The following UBE2D3 variants were observed in gnomAD, a reference collection of about 807,000 sequenced individuals.
The protein encoded by UBE2D3 is ubiquitin conjugating enzyme E2 D3, also known as ubiquitin-conjugating enzyme E2 D3.
In UBE2D3, 2 loss-of-function variants were observed where a neutral mutation model predicts 22.8. The ratio of observed to expected loss-of-function variants is 0.09; its 90% CI spans 0.04 to 0.28. The LOEUF (loss-of-function observed/expected upper bound fraction) is 0.28. UBE2D3 is among the 10% of genes least tolerant of loss of function. The probability of loss-of-function intolerance (pLI) is 1.00; values close to 1 mark genes in which losing one functional copy is unlikely to be tolerated. For missense variants in UBE2D3, 27 were observed against 182.5 expected, an observed-to-expected ratio of 0.15 and a Z score of 4.91; for synonymous variants, 56 against 60.4, an observed-to-expected ratio of 0.93 and a Z score of 0.34.
intron 1 of UBE2D3, among the ~76,000 whole-genome samples, chr4:102,834,242 TG>T (rs1417109826): frequency 2.0e-5 from 3 of 152,252 alleles, no homozygotes; most frequent in Non-Finnish European, 4.4e-5. Context: ...CTTATACTTT[TG>T]TTCCTAAAAC....
intron 2 of UBE2D3, among the ~76,000 whole-genome samples, chr4:102,818,077 T>C (rs1009887814): frequency 1.2e-4 from 19 of 152,290 alleles, no homozygotes; most frequent in Admixed American, 1.2e-3. Flanking sequence ...CTGTGCTGAC[T>C]ACCCCTCACC....
intron 7 of UBE2D3, among the ~76,000 whole-genome samples, chr4:102,798,533 T>C (rs1287289727): frequency 6.6e-6 from 1 of 151,648 alleles, no homozygotes; most frequent in African/African-American, 2.4e-5. Context: ...AATGAACATT[T>C]AGTTTAGATG....
At chr4:102,835,308 A>G (rs1287290960) in intron 1 of UBE2D3, among the ~76,000 whole-genome samples, 2 of 152,186 alleles carry the variant, frequency 1.3e-5, no homozygotes, top group African/African-American at 4.8e-5. Context: ...ACATTGTACT[A>G]AGTATTATAA....
chr4:102,801,500 G>A lies in UBE2D3; in HGVS notation c.258C>T (p.Leu86=), dbSNP rs747557575. 39 of 1,604,406 alleles carry A rather than the reference G, an allele frequency of 2.4e-5. No individual in the cohort carries two copies. Among genetic ancestry groups the A allele is most frequent in the Non-Finnish European group, 2.7e-5 (32 of 1,175,660 alleles). ...GCGACCACTGTGATCTTAGAATATC[G>A]AGACAAATGCTGCCATTACTGTTAA... is the stretch of plus-strand genomic sequence containing the variant. ...PNINSNGSIC[L]DILRSQWSPA... Residue 86 remains leucine (L), a synonymous_variant, in exon 6 of 8, where the codon CTC becomes CTT. Transcript: ENST00000453744.
At chr4:102,830,094 A>G (rs223383), upstream of UBE2D3, among the ~76,000 whole-genome samples, 82,802 of 152,072 alleles carry the variant, frequency 0.54, 23,131 homozygotes, top group African/African-American at 0.68. Flanking sequence ...GTGGACTTAC[A>G]TTTCTGCTTA....
intron 1 of UBE2D3, among the ~76,000 whole-genome samples, chr4:102,855,623 A>G (rs1387211195): frequency 1.3e-5 from 2 of 152,098 alleles, no homozygotes; most frequent in African/African-American, 4.8e-5. Flanking sequence ...GAGGTCTTGC[A>G]ACGTTTCCCA....
At chr4:102,838,133 C>T (rs911884868) in intron 1 of UBE2D3, among the ~76,000 whole-genome samples, 4 of 152,042 alleles carry the variant, frequency 2.6e-5, no homozygotes, top group Admixed American at 2.6e-4. Flanking sequence ...AAACTGTGTA[C>T]ACTTGTTTTA....
At chr4:102,808,413 C>T (rs1727401651) in intron 4 of UBE2D3, among the ~76,000 whole-genome samples, 1 of 152,096 alleles carries the variant, frequency 6.6e-6, no homozygotes, top group African/African-American at 2.4e-5. Flanking sequence ...TTGTGCATTT[C>T]GTTATTACAG....
At chr4:102,865,439 C>G (rs1733100110) in intron 1 of UBE2D3, among the ~76,000 whole-genome samples, 1 of 148,498 alleles carries the variant, frequency 6.7e-6, no homozygotes, top group South Asian at 2.1e-4. Flanking sequence ...TTGTAGTGAG[C>G]TGAGATCGCG....
intron 6 of UBE2D3, among the ~76,000 whole-genome samples, chr4:102,800,435 A>T (rs931462094): frequency 3.3e-5 from 5 of 152,070 alleles, no homozygotes; most frequent in Admixed American, 1.3e-4. Context: ...CCAAAAAAGT[A>T]AGTTGCTTTA....
At chr4:102,828,008 A>G, upstream of UBE2D3, 1 of 985,474 alleles carries the variant, frequency 1.0e-6, no homozygotes, top group Non-Finnish European at 1.2e-6. Context: ...GTAGCTCTGC[A>G]ATGACTTAAG....
chr4:102,859,076 A>G (rs1316454653), intron 1 of UBE2D3, among the ~76,000 whole-genome samples: 1 of 151,800 alleles, frequency 6.6e-6, no homozygotes, highest in Non-Finnish European at 1.5e-5. Flanking sequence ...TTTCAGTTTT[A>G]GCATTTCTTG....
At position 102,801,379 on chromosome 4, in the gene UBE2D3, A is replaced by G. The variant is rs539797397; in HGVS notation, c.304+75T>C. ...TTACCAAAAAGCTGCCATAATAAAA[A>G]TACTCAGATAAGTAGATCTAAGAAT... On this transcript the variant is annotated intron_variant, in intron 6 of 7. Coordinates refer to ENST00000453744, the MANE Select transcript of UBE2D3 (RefSeq NM_181891.3). 2,388 of 1,283,988 alleles carry G rather than the reference A, an allele frequency of 1.9e-3. 5 individuals are homozygous for G. Among genetic ancestry groups the G allele is most frequent in the Non-Finnish European group, 2.2e-3 (2,064 of 921,096 alleles). The allele number at this position is 1,283,988 out of a possible 1,614,324, so 79.5% of individuals were successfully genotyped here. A position where few individuals can be genotyped will look rare whatever the true frequency, so the allele number is the denominator to read the frequency against.
In UBE2D3 at chr4:102,855,662, A is replaced by G. The variant is rs1054267309; in HGVS notation, c.-129+13053T>C. Among the ~76,000 whole-genome samples, 7 of 152,068 alleles carry G rather than the reference A, an allele frequency of 4.6e-5. No individual in the cohort carries two copies. In the South Asian group the frequency reaches 6.2e-4, roughly 13 times the overall value. ...TGCTTCAAACACCTGGCCTCAAGCAATCATCCTGCCTTGGCCTCCTGAAGT... is the reference window on the plus strand; with the variant it reads ...TGCTTCAAACACCTGGCCTCAAGCAGTCATCCTGCCTTGGCCTCCTGAAGT... On this transcript the variant is annotated intron_variant, in intron 1 of 7. Coordinates refer to the UBE2D3 transcript ENST00000338145.
At chr4:102,851,178 A>G (rs1732328680) in intron 1 of UBE2D3, among the ~76,000 whole-genome samples, 1 of 152,248 alleles carries the variant, frequency 6.6e-6, no homozygotes, top group African/African-American at 2.4e-5. Flanking sequence ...GCATCTTTGC[A>G]ATGTGCTTTT....
At chr4:102,848,013 A>G (rs1303920736) in intron 1 of UBE2D3, among the ~76,000 whole-genome samples, 1 of 152,216 alleles carries the variant, frequency 6.6e-6, no homozygotes, top group Non-Finnish European at 1.5e-5. Context: ...CCTACTGCTC[A>G]AGGTCATCGC....
At chr4:102,837,845 G>T (rs223373) in intron 1 of UBE2D3, among the ~76,000 whole-genome samples, 1 of 151,988 alleles carries the variant, frequency 6.6e-6, no homozygotes, top group Non-Finnish European at 1.5e-5. Context: ...CCAGCTACTC[G>T]GGAGAGGCTG....
At chr4:102,827,106 T>C (rs1479601987) in intron 1 of UBE2D3, 1 of 986,790 alleles carries the variant, frequency 1.0e-6, no homozygotes, top group Admixed American at 6.1e-5. Flanking sequence ...ATTGCTATCC[T>C]CGCAGCGAGC....
intron 2 of UBE2D3, chr4:102,825,804 T>C (rs1730369231): frequency 2.2e-6 from 1 of 456,228 alleles, no homozygotes; most frequent in Non-Finnish European, 4.4e-6. Flanking sequence ...CAGAATGCCT[T>C]TTACATCAGT....
Sources: gnomAD v4.1 joint callset for allele counts (sites outside exome capture counted in the v4.1 genomes callset) on GRCh38, gnomAD v4.1.1 for gene constraint, MANE v1.5 for transcripts, NCBI Gene and HGNC (gene_info 2026-07-23, HGNC 2026-07-21) for gene names.